Variants in PBRM1 observed in about 807,000 individuals in gnomAD.
PBRM1 encodes the protein protein polybromo-1.
PBRM1 carries 27 observed loss-of-function variants against 194.5 expected under a neutral mutation model. That is an observed-to-expected ratio of 0.14 (90% CI 0.10 to 0.19). The LOEUF is 0.19. PBRM1 is among the 10% of genes least tolerant of loss of function. The pLI, the probability that PBRM1 is intolerant of heterozygous loss-of-function variation, is 1.00. For missense variants in PBRM1, 1,466 were observed against 2,077.2 expected, an observed-to-expected ratio of 0.71 and a Z score of 5.72; for synonymous variants, 655 against 693.2, an observed-to-expected ratio of 0.94 and a Z score of 0.87.
At chr3:52,651,882 T>G (rs1471487098) in intron 5 of PBRM1, 72 bp from the exon 7 acceptor site, 2 of 985,106 alleles carry the variant, frequency 2.0e-6, no homozygotes, top group African/African-American at 3.3e-5. Context: ...GGAAGTACAT[T>G]GACAATCTGT....
At chr3:52,638,434 C>T (rs1401928650) in intron 10 of PBRM1, among the ~76,000 whole-genome samples, 2 of 151,646 alleles carry the variant, frequency 1.3e-5, no homozygotes, top group Admixed American at 6.6e-5. Context: ...TCTCAGCTCA[C>T]TGCAACCTCC....
At position 52,560,006 on chromosome 3, in the gene PBRM1, T is replaced by C. The variant is rs1244586310; in HGVS notation, c.4289-1593A>G. 7.2e-5 allele frequency among the ~76,000 whole-genome samples: 11 copies of C among 152,160 alleles called. No homozygotes were observed. In the South Asian group the frequency reaches 2.1e-3, roughly 29 times the overall value. The stretch of plus-strand genomic sequence containing the variant: ...GACTGGCTACCCAAACTCTAAACTT[T>C]GGGCTTTGAATTCAATGAGAGAAAA... On this transcript the variant is annotated intron_variant, in intron 25 of 29. Transcript: ENST00000296302.
At chr3:52,611,636 C>G (rs1192733123) in intron 15 of PBRM1, among the ~76,000 whole-genome samples, 3 of 151,842 alleles carry the variant, frequency 2.0e-5, no homozygotes, top group Non-Finnish European at 4.4e-5. Flanking sequence ...AACCCTGTCT[C>G]TACTAAAAAT....
In PBRM1 at chr3:52,603,390, G is replaced by C. The variant is rs2094136352; in HGVS notation, c.2779+131C>G. ...ACTATAAAAATATTTCCATCTCATT[G>C]CGTCTACTCTAATATAGTCAATACC... On this transcript the variant is annotated intron_variant, in intron 17 of 29. Transcript: ENST00000296302. 17 of 870,096 alleles carry C rather than the reference G, an allele frequency of 2.0e-5. No homozygotes were observed. In the South Asian group the frequency reaches 3.1e-4, roughly 16 times the overall value. The allele number at this position is 870,096 out of a possible 1,614,324, so 53.9% of individuals were successfully genotyped here.
At chr3:52,552,445 T>C (rs1416622118) in intron 27 of PBRM1, among the ~76,000 whole-genome samples, 1 of 152,210 alleles carries the variant, frequency 6.6e-6, no homozygotes, top group African/African-American at 2.4e-5. Context: ...TCCTGGCTTC[T>C]TTTTTAATTA....
At chr3:52,634,536 T>C in intron 11 of PBRM1, 66 bp downstream of exon 12, 1 of 1,025,036 alleles carries the variant, frequency 9.8e-7, no homozygotes, top group Non-Finnish European at 1.5e-6. Context: ...TAGGAAGAAA[T>C]ACATTATGTG....
intron 29 of PBRM1, among the ~76,000 whole-genome samples, chr3:52,548,715 T>C (rs1405720700): frequency 1.3e-5 from 2 of 152,034 alleles, no homozygotes; most frequent in Non-Finnish European, 2.9e-5. Context: ...TGTGAGCCAC[T>C]GCACCCGGCC....
chr3:52,638,677 T>C (rs915282213), intron 10 of PBRM1, among the ~76,000 whole-genome samples: 4 of 151,970 alleles, frequency 2.6e-5, no homozygotes, highest in South Asian at 2.1e-4. Flanking sequence ...TACGGCAAAC[T>C]TGAACTCCTG....
chr3:52,579,772 C>T (rs1334122196), intron 20 of PBRM1, among the ~76,000 whole-genome samples: 1 of 152,188 alleles, frequency 6.6e-6, no homozygotes, highest in African/African-American at 2.4e-5. Flanking sequence ...TTTATCCTGT[C>T]TCCCTCCTGC....
At chr3:52,652,495 T>C (rs1375036213) in intron 5 of PBRM1, among the ~76,000 whole-genome samples, 2 of 149,178 alleles carry the variant, frequency 1.3e-5, no homozygotes, top group African/African-American at 2.5e-5. Context: ...GAGACCATCC[T>C]GGCTAACGTG....
At chr3:52,597,389 T>C (rs1360058956) in intron 17 of PBRM1, among the ~76,000 whole-genome samples, 1 of 152,164 alleles carries the variant, frequency 6.6e-6, no homozygotes, top group African/African-American at 2.4e-5. Flanking sequence ...AATTCTCCTA[T>C]TTCTTGGTAT....
chr3:52,554,991 C>A, intron 26 of PBRM1, 112 bp from the exon 29 acceptor site: 1 of 730,692 alleles, frequency 1.4e-6, no homozygotes, highest in Non-Finnish European at 2.3e-6. Flanking sequence ...CTTAGTACTG[C>A]ATGATATAAC....
intron 22 of PBRM1, among the ~76,000 whole-genome samples, chr3:52,571,845 C>G (rs1198869943): frequency 1.0e-5 from 1 of 100,058 alleles, no homozygotes; most frequent in Non-Finnish European, 1.8e-5. Context: ...AAGAGGGATA[C>G]CTCATCTCCC....
chr3:52,568,755 A>G (rs771403278), intron 22 of PBRM1, among the ~76,000 whole-genome samples: 3 of 152,218 alleles, frequency 2.0e-5, no homozygotes, highest in Non-Finnish European at 2.9e-5. Context: ...TATATTTGCT[A>G]AACTTTCTAT....
At chr3:52,615,976 T>C (rs1312014507) in intron 14 of PBRM1, among the ~76,000 whole-genome samples, 1 of 152,168 alleles carries the variant, frequency 6.6e-6, no homozygotes, top group African/African-American at 2.4e-5. Context: ...TGGTAATATG[T>C]AGTCAAGAAT....
chr3:52,677,943 A>G (rs1319648886), intron 2 of PBRM1, among the ~76,000 whole-genome samples: 2 of 152,080 alleles, frequency 1.3e-5, no homozygotes, highest in African/African-American at 4.8e-5. Context: ...CTCATGGCTT[A>G]CTGCAGCCTC....
At chr3:52,625,857 C>T (rs1420279996) in intron 13 of PBRM1, among the ~76,000 whole-genome samples, 1 of 152,148 alleles carries the variant, frequency 6.6e-6, no homozygotes, top group Admixed American at 6.5e-5. Context: ...GGATTACAGG[C>T]ATGTGCCACT....
At chr3:52,576,686 T>C (rs754485942) in exon 22 of PBRM1, 16 of 1,598,070 alleles carry the variant, frequency 1.0e-5, no homozygotes, top group Non-Finnish European at 1.2e-5. Flanking sequence ...CTCGAACCCA[T>C]ACTTTTTCAA....
intron 22 of PBRM1, among the ~76,000 whole-genome samples, chr3:52,575,666 CAAAT>C (rs2089345013): frequency 7.0e-6 from 1 of 142,152 alleles, no homozygotes; most frequent in Non-Finnish European, 1.5e-5. Flanking sequence ...CCACCATGCC[CAAAT>C]AATTTTTTTT....
Sources: gnomAD v4.1 joint callset for allele counts (sites outside exome capture counted in the v4.1 genomes callset) on GRCh38, gnomAD v4.1.1 for gene constraint, MANE v1.5 for transcripts, NCBI Gene and HGNC (gene_info 2026-07-23, HGNC 2026-07-21) for gene names.